The following RTN1 variants were observed in gnomAD, a reference collection of about 807,000 sequenced individuals.
RTN1 encodes reticulon-1.
RTN1 carries 25 observed loss-of-function variants against 65.5 expected under a neutral mutation model. The observed-to-expected ratio is 0.38, with a 90% CI of 0.28 to 0.53. The LOEUF is 0.53. RTN1 is among the 20% of genes least tolerant of loss of function. RTN1 has a pLI of 0.79. For missense variants in RTN1, 983 were observed against 1,025.4 expected (o/e 0.96, Z 0.57); for synonymous variants, 471 against 447.6 (o/e 1.05, Z -0.66).
intron 3 of RTN1, among the ~76,000 whole-genome samples, chr14:59,666,503 C>T (rs914178361): frequency 1.6e-4 from 25 of 151,948 alleles, no homozygotes; most frequent in Admixed American, 5.3e-4. Context: ...GATCTAAAAT[C>T]GACACTCTAA....
chr14:59,805,321 C>A (rs1886617552), intron 1 of RTN1, among the ~76,000 whole-genome samples: 1 of 152,176 alleles, frequency 6.6e-6, no homozygotes, highest in Admixed American at 6.5e-5. Context: ...GGGACCTTTC[C>A]TTCTTCACTG....
intron 1 of RTN1, among the ~76,000 whole-genome samples, chr14:59,753,914 C>T (rs1011907062): frequency 1.3e-5 from 2 of 152,158 alleles, no homozygotes; most frequent in Non-Finnish European, 2.9e-5. Flanking sequence ...ACAGCTGTTT[C>T]CTGGACCATC....
chr14:59,697,361 C>G (rs944326654), intron 3 of RTN1, among the ~76,000 whole-genome samples: 3 of 152,128 alleles, frequency 2.0e-5, no homozygotes, highest in African/African-American at 7.2e-5. Context: ...GAGACTACCA[C>G]CATATCCTGT....
chr14:59,746,858 T>C (rs1027852963), intron 1 of RTN1, among the ~76,000 whole-genome samples: 4 of 152,144 alleles, frequency 2.6e-5, no homozygotes, highest in Non-Finnish European at 4.4e-5. Flanking sequence ...GCTCTTTAAG[T>C]AGAGGTGGAA....
intron 3 of RTN1, among the ~76,000 whole-genome samples, chr14:59,693,438 T>C (rs749492255): frequency 2.0e-5 from 3 of 152,208 alleles, no homozygotes; most frequent in Non-Finnish European, 2.9e-5. Flanking sequence ...TTCTGAGATT[T>C]TGGTGCACCC....
intron 2 of RTN1, among the ~76,000 whole-genome samples, chr14:59,743,176 C>T (rs1885147643): frequency 6.6e-6 from 1 of 152,218 alleles, no homozygotes; most frequent in African/African-American, 2.4e-5. Context: ...ACTCCAATAT[C>T]ATGTGAGCCA....
intron 3 of RTN1, among the ~76,000 whole-genome samples, chr14:59,679,250 G>T (rs1162931139): frequency 6.6e-6 from 1 of 152,226 alleles, no homozygotes; most frequent in Non-Finnish European, 1.5e-5. Context: ...TTGCACAGGT[G>T]CTCTGAAATG....
At chr14:59,730,640 A>G (rs1884878264) in intron 2 of RTN1, among the ~76,000 whole-genome samples, 1 of 152,214 alleles carries the variant, frequency 6.6e-6, no homozygotes, top group African/African-American at 2.4e-5. Flanking sequence ...TATATGACAA[A>G]CTATTACGAC....
rs1211695716 is a variant in RTN1 at position 59,794,593 on chromosome 14, T to C, written c.242-48112A>G. The stretch of plus-strand genomic sequence containing the variant: ...TACTGTAACAAAGATCCATGTCTGC[T>C]CCATGGTGTTGGGAGCAAGGTTCTT... On this transcript the variant is annotated intron_variant, in intron 1 of 8. Coordinates refer to ENST00000267484, the MANE Select transcript of RTN1 (RefSeq NM_021136.3). The surrounding 1 kb of genome is among the most constrained non-coding windows in gnomAD (Gnocchi z 5.1). Among the ~76,000 whole-genome samples the C allele has an allele frequency of 6.6e-6, 1 of 152,210 alleles. No homozygotes were observed. The highest frequency in any genetic ancestry group is 2.4e-5 in the African/African-American group (1 of 41,464).
chr14:59,761,405 C>T (rs528072243), intron 1 of RTN1, among the ~76,000 whole-genome samples: 51 of 152,292 alleles, frequency 3.3e-4, no homozygotes, highest in African/African-American at 1.2e-3. Context: ...CCATTTTGCT[C>T]AGTCCTTCTC....
chr14:59,765,551 G>A (rs977415731), intron 1 of RTN1, among the ~76,000 whole-genome samples: 3 of 152,178 alleles, frequency 2.0e-5, no homozygotes, highest in Admixed American at 1.3e-4. Context: ...TGTGATGTTT[G>A]AAGGCAAAAT....
chr14:59,772,340 T>G (rs1388207267), intron 1 of RTN1, among the ~76,000 whole-genome samples: 2 of 152,194 alleles, frequency 1.3e-5, no homozygotes, highest in Non-Finnish European at 2.9e-5. Context: ...TCACTTTTCT[T>G]TACAAATGTT....
rs540333116 is a variant in RTN1, at chr14:59,868,958, A to T, written c.241+1432T>A. On this transcript the variant is annotated intron_variant, in intron 1 of 8. Coordinates refer to ENST00000267484, the MANE Select transcript of RTN1 (RefSeq NM_021136.3). The surrounding 1 kb of genome is among the most constrained non-coding windows in gnomAD (Gnocchi z 4.0). ...GCAGAAGTTGAAAGAGAGACTGAGC[A>T]GCCATTCTTAGATTTAAATCCTCCC... 2.0e-5 allele frequency among the ~76,000 whole-genome samples: 3 copies of T among 152,308 alleles called. No homozygotes were observed. In the East Asian group the frequency reaches 5.8e-4, roughly 29 times the overall value.
intron 2 of RTN1, among the ~76,000 whole-genome samples, chr14:59,745,493 G>A (rs1177432124): frequency 1.3e-5 from 2 of 151,994 alleles, no homozygotes; most frequent in African/African-American, 2.4e-5. Context: ...AAACCTGATA[G>A]GACTTTAAGA....
At chr14:59,713,836 A>G (rs925253678) in intron 3 of RTN1, among the ~76,000 whole-genome samples, 3 of 152,232 alleles carry the variant, frequency 2.0e-5, no homozygotes, top group African/African-American at 4.8e-5. Context: ...CAGAATTACC[A>G]TACCAGTAAT....
At chr14:59,787,476 C>G (rs1366783055) in intron 1 of RTN1, among the ~76,000 whole-genome samples, 1 of 152,216 alleles carries the variant, frequency 6.6e-6, no homozygotes, top group African/African-American at 2.4e-5. Context: ...CCCCCTTGGT[C>G]AGCACTTGGT....
intron 3 of RTN1, among the ~76,000 whole-genome samples, chr14:59,704,153 G>A (rs983176570): frequency 6.6e-6 from 1 of 152,056 alleles, no homozygotes; most frequent in Non-Finnish European, 1.5e-5. Context: ...TGAAAGTTAC[G>A]ATCTTGGTCT....
intron 3 of RTN1, among the ~76,000 whole-genome samples, chr14:59,710,774 C>A (rs944605261): frequency 1.3e-5 from 2 of 152,222 alleles, no homozygotes; most frequent in African/African-American, 4.8e-5. Flanking sequence ...ATTCTCTCAT[C>A]TCCCTGAGTA....
In RTN1 at chr14:59,870,262, C is replaced by G. The variant is rs1023051199; in HGVS notation, c.241+128G>C. On this transcript the variant is annotated intron_variant, in intron 1 of 8. Coordinates refer to ENST00000267484, the MANE Select transcript of RTN1 (RefSeq NM_021136.3). The surrounding 1 kb of genome is among the most constrained non-coding windows in gnomAD (Gnocchi z 5.1). The stretch of plus-strand genomic sequence containing the variant: ...GAATATTCCCAGTCGCCCGTGGCGA[C>G]GCGGGGGTGGGGTCGGCGCTCAAGG... 5.3e-6 allele frequency: 5 copies of G among 934,818 alleles called. No homozygotes were observed. The highest frequency in any genetic ancestry group is 7.1e-6 in the Non-Finnish European group (5 of 702,860). The allele number at this position is 934,818 out of a possible 1,614,324, so 57.9% of individuals were successfully genotyped here.
Sources: gnomAD v4.1 joint callset for allele counts (sites outside exome capture counted in the v4.1 genomes callset) on GRCh38, gnomAD v4.1.1 for gene constraint, Gnocchi (gnomAD v3.1) non-coding constraint, MANE v1.5 for transcripts, NCBI Gene and HGNC (gene_info 2026-07-23, HGNC 2026-07-21) for gene names.